NAV2: variants seen among roughly 807,000 people sequenced by gnomAD.
The protein encoded by NAV2 is helicase, APC down-regulated 1.
In NAV2, 54 loss-of-function variants were observed where a neutral mutation model predicts 223.2. That is an observed-to-expected ratio of 0.24 (90% confidence interval 0.19 to 0.30). The LOEUF is 0.30. Among genes scored for constraint, NAV2 ranks in the 10% least tolerant of loss-of-function variants. NAV2 has a pLI of 1.00. For synonymous variants in NAV2, 1,279 were observed against 1,239.3 expected (o/e 1.03, Z -0.67); for missense variants, 2,806 against 3,147.5 (o/e 0.89, Z 2.60).
At chr11:19,990,112 G>A (rs1056333935) in intron 11 of NAV2, among the ~76,000 whole-genome samples, 1 of 152,214 alleles carries the variant, frequency 6.6e-6, no homozygotes, top group African/African-American at 2.4e-5. Flanking sequence ...GTGCGAGTGG[G>A]CTTGCCCTCA....
At chr11:19,872,981 C>T (rs1348823205) in intron 4 of NAV2, among the ~76,000 whole-genome samples, 1 of 152,224 alleles carries the variant, frequency 6.6e-6, no homozygotes, top group African/African-American at 2.4e-5. Flanking sequence ...AACCCTTCCC[C>T]AGAACACACC....
intron 1 of NAV2, among the ~76,000 whole-genome samples, chr11:19,489,720 T>C (rs894987723): frequency 1.3e-5 from 2 of 152,240 alleles, no homozygotes; most frequent in East Asian, 3.8e-4. Context: ...AGTATTGGGA[T>C]ATACTACGTA....
At chr11:19,354,720 C>G (rs1009606186) in intron 1 of NAV2, among the ~76,000 whole-genome samples, 18 of 152,242 alleles carry the variant, frequency 1.2e-4, no homozygotes, top group African/African-American at 3.9e-4. Context: ...AAGATCTAGA[C>G]CTCTTCTCTT....
intron 1 of NAV2, among the ~76,000 whole-genome samples, chr11:19,746,373 TG>T: frequency 1.5e-5 from 1 of 68,806 alleles, no homozygotes; most frequent in Admixed American, 1.8e-4. Context: ...TGCGTTTGTA[TG>T]TTTTTTTTTA....
intron 1 of NAV2, among the ~76,000 whole-genome samples, chr11:19,369,087 G>A (rs2133844805): frequency 6.6e-6 from 1 of 152,332 alleles, no homozygotes; most frequent in East Asian, 1.9e-4. Context: ...TAGCAGAGCC[G>A]AGCTTCCTAA....
At chr11:19,622,822 T>C (rs899225392) in intron 1 of NAV2, among the ~76,000 whole-genome samples, 1 of 152,160 alleles carries the variant, frequency 6.6e-6, no homozygotes, top group Non-Finnish European at 1.5e-5. Flanking sequence ...GTTAGCTGAG[T>C]ATTTTGCTCG....
At chr11:19,924,005 T>G (rs1413880590) in intron 6 of NAV2, among the ~76,000 whole-genome samples, 1 of 152,198 alleles carries the variant, frequency 6.6e-6, no homozygotes, top group Non-Finnish European at 1.5e-5. Context: ...CAGCAAATGA[T>G]CCGTCTCCTT....
At chr11:19,410,120 A>AC (rs1850077003) in intron 1 of NAV2, among the ~76,000 whole-genome samples, 1 of 152,158 alleles carries the variant, frequency 6.6e-6, no homozygotes, top group Non-Finnish European at 1.5e-5. Context: ...GCCCTGCTTC[A>AC]GGGGGGCAGA....
intron 27 of NAV2, among the ~76,000 whole-genome samples, chr11:20,091,674 G>A (rs753607458): frequency 1.6e-4 from 25 of 152,102 alleles, no homozygotes; most frequent in Non-Finnish European, 2.9e-4. Context: ...ATGAATATTC[G>A]TAGAATGAAA....
chr11:19,610,419 G>C (rs1169836971), intron 1 of NAV2, among the ~76,000 whole-genome samples: 4 of 152,212 alleles, frequency 2.6e-5, no homozygotes, highest in African/African-American at 9.7e-5. Flanking sequence ...GCTCATTCAT[G>C]CTACATAGAT....
intron 3 of NAV2, among the ~76,000 whole-genome samples, chr11:19,857,330 G>A (rs1458153441): frequency 6.6e-6 from 1 of 152,258 alleles, no homozygotes; most frequent in Non-Finnish European, 1.5e-5. Flanking sequence ...TGGTGAGTAA[G>A]TGTCAGGCTT....
intron 1 of NAV2, among the ~76,000 whole-genome samples, chr11:19,522,574 C>T (rs1470311292): frequency 6.6e-6 from 1 of 152,188 alleles, no homozygotes; most frequent in African/African-American, 2.4e-5. Flanking sequence ...CCCTCCTGAG[C>T]CTCCTCACCA....
At chr11:20,007,257 G>A (rs1350389407) in intron 11 of NAV2, among the ~76,000 whole-genome samples, 2 of 151,864 alleles carry the variant, frequency 1.3e-5, no homozygotes, top group African/African-American at 4.8e-5. Flanking sequence ...CCCATTTTTA[G>A]TAAGGGCTTT....
intron 1 of NAV2, among the ~76,000 whole-genome samples, chr11:19,468,925 C>T (rs947593438): frequency 1.3e-5 from 2 of 152,160 alleles, no homozygotes; most frequent in Admixed American, 6.5e-5. Context: ...AGACAAAGAA[C>T]TGAGGTTTGA....
At chr11:19,359,839 C>G (rs962821665) in intron 1 of NAV2, among the ~76,000 whole-genome samples, 2 of 152,200 alleles carry the variant, frequency 1.3e-5, no homozygotes, top group African/African-American at 2.4e-5. Flanking sequence ...GGTCACTTCT[C>G]TGCCTGTCTT....
chr11:19,986,190 G>A (rs1477473314), intron 11 of NAV2, among the ~76,000 whole-genome samples: 4 of 152,218 alleles, frequency 2.6e-5, no homozygotes, highest in Admixed American at 6.5e-5. Context: ...TCTGGAGATG[G>A]AGGATGAGGG....
At chr11:19,518,047 G>A (rs113492348) in intron 1 of NAV2, among the ~76,000 whole-genome samples, 88 of 152,338 alleles carry the variant, frequency 5.8e-4, no homozygotes, top group African/African-American at 1.9e-3. Flanking sequence ...AGCTAAAGAG[G>A]GACAGAGAAG....
chr11:20,112,591 T>C (rs2062726910), intron 36 of NAV2, among the ~76,000 whole-genome samples: 1 of 152,222 alleles, frequency 6.6e-6, no homozygotes, highest in South Asian at 2.1e-4. Flanking sequence ...GTCACACTGA[T>C]ATCTGGCCAA....
chr11:20,106,177 GTGTGTGTATATATATA>G (rs2062042681), intron 35 of NAV2, among the ~76,000 whole-genome samples: 7 of 13,788 alleles, frequency 5.1e-4, no homozygotes, highest in Admixed American at 2.8e-3. Context: ...ATATATATAT[GTGTGTGTATATATATA>G]TATATATATA....
Sources: allele counts gnomAD v4.1 joint callset (sites outside exome capture counted in the v4.1 genomes callset), GRCh38; gene constraint gnomAD v4.1.1; transcripts MANE v1.5; gene names NCBI Gene and HGNC (gene_info 2026-07-23, HGNC 2026-07-21).